Variants in SGCZ observed in about 807,000 individuals in gnomAD.
The protein encoded by SGCZ is sarcoglycan zeta.
In SGCZ, 40 loss-of-function variants were observed where a neutral mutation model predicts 41.3. That is an observed-to-expected ratio of 0.97 (90% CI 0.75 to 1.26). SGCZ has a LOEUF of 1.26. Among genes scored for constraint, SGCZ ranks in the 50% most tolerant of loss-of-function variants. The pLI is 0.00. For missense variants in SGCZ, 552 were observed against 369.8 expected, an observed-to-expected ratio of 1.49 and a Z score of -4.04; for synonymous variants, 206 against 137.5, an observed-to-expected ratio of 1.50 and a Z score of -3.49.
chr8:14,401,801 C>T (rs1291912448), intron 2 of SGCZ, among the ~76,000 whole-genome samples: 1 of 150,648 alleles, frequency 6.6e-6, no homozygotes, highest in Non-Finnish European at 1.5e-5. Context: ...GGGTATATAC[C>T]CAGTAATGGG....
At chr8:14,993,834 T>A in intron 1 of SGCZ, among the ~76,000 whole-genome samples, 1 of 152,206 alleles carries the variant, frequency 6.6e-6, no homozygotes, top group East Asian at 1.9e-4. Context: ...GTTGGGATTT[T>A]TGCTTTTTCT....
intron 2 of SGCZ, among the ~76,000 whole-genome samples, chr8:14,483,938 A>G (rs1410011409): frequency 6.6e-6 from 1 of 152,140 alleles, no homozygotes; most frequent in Non-Finnish European, 1.5e-5. Context: ...TGCTGACTAC[A>G]TGGATTAAAG....
chr8:14,329,538 G>T (rs1735852520), intron 2 of SGCZ, among the ~76,000 whole-genome samples: 1 of 152,092 alleles, frequency 6.6e-6, no homozygotes, highest in South Asian at 2.1e-4. Flanking sequence ...CCAGCTTGGA[G>T]ATTGCCACCT....
At position 14,435,121 on chromosome 8, in the gene SGCZ, T is replaced by C. The variant is rs377214134; in HGVS notation, c.235-110917A>G. ...TGCAAAAATATTAATAAAAGCGTGA[T>C]ATTTTGTGACAAAGTTATCTCAGGG... is the stretch of plus-strand genomic sequence containing the variant. On this transcript the variant is annotated intron_variant, in intron 2 of 7. Transcript: ENST00000382080. Among the ~76,000 whole-genome samples, 18 of 152,320 alleles carry C rather than the reference T, an allele frequency of 1.2e-4. No homozygotes were observed. In the South Asian group the frequency reaches 3.3e-3, roughly 28 times the overall value.
At chr8:14,577,082 T>G (rs1275548379) in intron 1 of SGCZ, among the ~76,000 whole-genome samples, 4 of 152,236 alleles carry the variant, frequency 2.6e-5, no homozygotes, top group African/African-American at 4.8e-5. Context: ...TATATTTGAA[T>G]GAGGACTGGA....
At chr8:14,436,779 T>C (rs1800106273) in intron 2 of SGCZ, among the ~76,000 whole-genome samples, 2 of 152,220 alleles carry the variant, frequency 1.3e-5, no homozygotes. Context: ...ATTTCTGCTT[T>C]AGTACATTGG....
intron 2 of SGCZ, among the ~76,000 whole-genome samples, chr8:14,438,783 A>G (rs1310795479): frequency 6.6e-6 from 1 of 152,010 alleles, no homozygotes; most frequent in East Asian, 1.9e-4. Flanking sequence ...TAATTAATAA[A>G]TAGAAAACCA....
At chr8:14,183,670 C>A (rs1452956759) in intron 4 of SGCZ, among the ~76,000 whole-genome samples, 1 of 152,110 alleles carries the variant, frequency 6.6e-6, no homozygotes, top group Non-Finnish European at 1.5e-5. Context: ...AAGCGTTTAC[C>A]AAGCTTGCCA....
intron 2 of SGCZ, among the ~76,000 whole-genome samples, chr8:14,407,998 A>G (rs1799257823): frequency 1.3e-5 from 2 of 152,182 alleles, no homozygotes; most frequent in Admixed American, 1.3e-4. Context: ...TTAATGATAG[A>G]CTAATGATAT....
chr8:14,358,316 G>A (rs1803369358), intron 2 of SGCZ, among the ~76,000 whole-genome samples: 1 of 152,162 alleles, frequency 6.6e-6, no homozygotes, highest in Middle Eastern at 3.4e-3. Context: ...AGGGTTTAGT[G>A]AGTTTTTTCC....
At chr8:15,207,460 A>C (rs1035662055) in intron 1 of SGCZ, among the ~76,000 whole-genome samples, 4 of 152,216 alleles carry the variant, frequency 2.6e-5, no homozygotes, top group African/African-American at 9.6e-5. Flanking sequence ...TCAAAGAAAC[A>C]GCAGAAGGAT....
At chr8:14,677,280 T>A (rs1051269451) in intron 1 of SGCZ, among the ~76,000 whole-genome samples, 1 of 151,986 alleles carries the variant, frequency 6.6e-6, no homozygotes, top group African/African-American at 2.4e-5. Context: ...AAGAAAATTA[T>A]AAGACTCTGA....
At chr8:14,688,816 T>C (rs1275220025) in intron 1 of SGCZ, among the ~76,000 whole-genome samples, 1 of 152,052 alleles carries the variant, frequency 6.6e-6, no homozygotes, top group Non-Finnish European at 1.5e-5. Flanking sequence ...AAAGAGGAAG[T>C]CAAGCTGTCC....
Position 14,489,350 on chromosome 8 carries a change from C to A in SGCZ, c.234+65382G>T, listed in dbSNP as rs915722838. 3.3e-5 allele frequency among the ~76,000 whole-genome samples: 5 copies of A among 151,924 alleles called. No homozygotes were observed. In the East Asian group the frequency reaches 9.7e-4, roughly 29 times the overall value. ...TTATAAAATGGACACAGAATAGGGT[C>A]TTCAAAAAATTAAGGACGTTCTTTC... On this transcript the variant is annotated intron_variant, in intron 2 of 7. Transcript: ENST00000382080.
chr8:14,471,276 T>A (rs1193243716), intron 2 of SGCZ, among the ~76,000 whole-genome samples: 1 of 152,150 alleles, frequency 6.6e-6, no homozygotes, highest in South Asian at 2.1e-4. Flanking sequence ...GTACTCATTA[T>A]CACATAATAG....
intron 2 of SGCZ, among the ~76,000 whole-genome samples, chr8:14,352,232 T>G (rs936061517): frequency 2.0e-5 from 3 of 152,018 alleles, no homozygotes; most frequent in African/African-American, 7.2e-5. Context: ...AGGCTGAAGC[T>G]AATTGTTAGA....
chr8:14,861,722 A>T (rs927152606), intron 1 of SGCZ, among the ~76,000 whole-genome samples: 3 of 151,980 alleles, frequency 2.0e-5, no homozygotes, highest in Non-Finnish European at 4.4e-5. Flanking sequence ...TTCATTTTGC[A>T]CTGGGACCCA....
intron 2 of SGCZ, among the ~76,000 whole-genome samples, chr8:14,466,348 G>A (rs1450804253): frequency 6.6e-6 from 1 of 151,928 alleles, no homozygotes; most frequent in African/African-American, 2.4e-5. Context: ...TAATGTTATT[G>A]AGCATCCTTT....
intron 2 of SGCZ, among the ~76,000 whole-genome samples, chr8:14,439,482 A>C (rs1437409080): frequency 1.3e-5 from 2 of 151,858 alleles, no homozygotes; most frequent in African/African-American, 4.8e-5. Context: ...ACAGTACAAA[A>C]ACAGAAAACA....
Sources: allele counts gnomAD v4.1 joint callset (sites outside exome capture counted in the v4.1 genomes callset), GRCh38; gene constraint gnomAD v4.1.1; transcripts MANE v1.5; gene names NCBI Gene and HGNC (gene_info 2026-07-23, HGNC 2026-07-21).